SCN11A: variants seen among roughly 807,000 people sequenced by gnomAD.
SCN11A encodes sodium voltage-gated channel alpha subunit 11.
Under a neutral mutation model 162.2 loss-of-function variants are expected in SCN11A, and 122 were observed. The observed-to-expected ratio is 0.75, with a 90% CI of 0.65 to 0.87. The LOEUF is 0.87. Ranked by LOEUF, SCN11A falls within the 40% of genes least tolerant of loss-of-function variation. The pLI, the probability that SCN11A is intolerant of heterozygous loss-of-function variation, is 0.00. For synonymous variants in SCN11A, 758 were observed against 751.5 expected, an observed-to-expected ratio of 1.01 and a Z score of -0.14; for missense variants, 2,015 against 2,181.6, an observed-to-expected ratio of 0.92 and a Z score of 1.52.
chr3:38,925,994 A>G (rs1181537341), intron 8 of SCN11A, among the ~76,000 whole-genome samples: 2 of 152,344 alleles, frequency 1.3e-5, no homozygotes, highest in Non-Finnish European at 2.9e-5. Context: ...AAAACTCTGA[A>G]ATTACTAGCA....
chr3:39,048,546 C>T (rs2032239521), intron 1 of SCN11A, among the ~76,000 whole-genome samples: 2 of 152,088 alleles, frequency 1.3e-5, no homozygotes, highest in South Asian at 4.1e-4. Context: ...GCAATTATTA[C>T]AGATTGTATA....
intron 1 of SCN11A, among the ~76,000 whole-genome samples, chr3:39,051,120 G>T (rs113075948): frequency 2.1e-5 from 3 of 146,080 alleles, no homozygotes; most frequent in Non-Finnish European, 4.5e-5. Flanking sequence ...TTTTTGTCTT[G>T]TTTTTTTTTT....
intron 7 of SCN11A, among the ~76,000 whole-genome samples, chr3:38,934,115 A>C (rs2066289529): frequency 6.6e-6 from 1 of 152,256 alleles, no homozygotes; most frequent in South Asian, 2.1e-4. Context: ...TTTCATATCC[A>C]GACAAACTAA....
intron 3 of SCN11A, among the ~76,000 whole-genome samples, chr3:38,954,278 G>T (rs2066655451): frequency 6.6e-6 from 1 of 152,196 alleles, no homozygotes; most frequent in Non-Finnish European, 1.5e-5. Context: ...ATGAGACTCT[G>T]CTGCATTTGA....
intron 10 of SCN11A, among the ~76,000 whole-genome samples, chr3:38,920,409 T>C (rs536303297): frequency 2.6e-5 from 4 of 152,224 alleles, no homozygotes; most frequent in African/African-American, 9.6e-5. Flanking sequence ...AGAAGTGTTG[T>C]TGGCCGGGCA....
Position 38,905,297 on chromosome 3 carries a change from G to A in SCN11A, c.1498C>T (p.Arg500Ter), listed in dbSNP as rs367770852. ...KKPQLLEQTK[R>*]LSQNLSLDHF... ...TCCAGTGATAGATTCTGGGACAGTCGTTTGGTTTGCTCTAGGAGCTGTGGC... is the reference window on the plus strand; with the variant it reads ...TCCAGTGATAGATTCTGGGACAGTCATTTGGTTTGCTCTAGGAGCTGTGGC... Residue 500 changes from arginine to a stop codon, truncating the protein, a stop_gained, in exon 15 of 30, where the codon CGA (arginine) becomes TGA (stop). Coordinates refer to ENST00000302328, the MANE Select transcript of SCN11A (RefSeq NM_001349253.2). LOFTEE classifies it high-confidence loss of function. The A allele has an allele frequency of 1.5e-5, 24 of 1,613,884 alleles. No individual in the cohort carries two copies. Among genetic ancestry groups the A allele is most frequent in the African/African-American group, 4.0e-5 (3 of 74,918 alleles).
intron 19 of SCN11A, among the ~76,000 whole-genome samples, chr3:38,891,543 C>T (rs1281144697): frequency 1.3e-5 from 2 of 152,160 alleles, no homozygotes; most frequent in African/African-American, 2.4e-5. Context: ...ATTTATGCTG[C>T]TATAATAGAA....
chr3:39,022,528 G>A (rs895847801), intron 2 of SCN11A, among the ~76,000 whole-genome samples: 1 of 152,146 alleles, frequency 6.6e-6, no homozygotes, highest in Admixed American at 6.6e-5. Flanking sequence ...TACAATAAGA[G>A]ACTTGTGAGA....
intron 16 of SCN11A, among the ~76,000 whole-genome samples, chr3:38,901,945 T>C (rs1324352182): frequency 6.6e-6 from 1 of 152,228 alleles, no homozygotes; most frequent in East Asian, 1.9e-4. Context: ...AATCACTCAG[T>C]TTCCAACTGC....
At chr3:38,876,282 CT>C (rs774468527) in intron 23 of SCN11A, among the ~76,000 whole-genome samples, 90 of 152,132 alleles carry the variant, frequency 5.9e-4, no homozygotes, top group Non-Finnish European at 1.1e-3. Context: ...GGGAAAAACT[CT>C]TCTAGACATT....
intron 23 of SCN11A, among the ~76,000 whole-genome samples, chr3:38,874,728 A>G (rs1575231102): frequency 7.4e-6 from 1 of 135,584 alleles, no homozygotes; most frequent in South Asian, 2.3e-4. Context: ...TACTTCTCCC[A>G]TTCTTACTCT....
intron 2 of SCN11A, among the ~76,000 whole-genome samples, chr3:38,965,860 A>T (rs1575340268): frequency 6.6e-6 from 1 of 152,066 alleles, no homozygotes; most frequent in East Asian, 1.9e-4. Flanking sequence ...CACACCTGCA[A>T]TCCCAGCACT....
chr3:38,937,659 A>G (rs867038725), intron 7 of SCN11A, among the ~76,000 whole-genome samples: 12 of 152,080 alleles, frequency 7.9e-5, no homozygotes, highest in African/African-American at 2.9e-4. Flanking sequence ...AATGCAAATC[A>G]AAACCACAAT....
At chr3:39,001,710 A>AAAACAAAC (rs149361919) in intron 2 of SCN11A, among the ~76,000 whole-genome samples, 1,856 of 151,372 alleles carry the variant, frequency 0.012, 10 homozygotes, top group Non-Finnish European at 0.015. Flanking sequence ...GCATTTGTTT[A>AAAACAAAC]AAACAAACAA....
chr3:39,002,125 G>C lies in SCN11A; in HGVS notation c.-280+30255C>G, dbSNP rs577102384. Among the ~76,000 whole-genome samples, 4 of 152,234 alleles carry C rather than the reference G, an allele frequency of 2.6e-5. No homozygotes were observed. The East Asian group carries it at 7.7e-4, about 29-fold the overall frequency. On this transcript the variant is annotated intron_variant, in intron 2 of 29. Coordinates refer to ENST00000302328, the MANE Select transcript of SCN11A (RefSeq NM_001349253.2). Reference sequence around the variant, plus strand: ...AAATCAATTGACCATAGATGTATGAGTTTATTTGTGGACTCTCAATTCTAT... The same window carrying C: ...AAATCAATTGACCATAGATGTATGACTTTATTTGTGGACTCTCAATTCTAT...
chr3:39,010,684 C>T (rs1265363909), intron 2 of SCN11A, among the ~76,000 whole-genome samples: 1 of 152,082 alleles, frequency 6.6e-6, no homozygotes, highest in East Asian at 1.9e-4. Context: ...AGCCCGTGAG[C>T]CACCCTGCCC....
At chr3:39,042,656 G>A (rs2032076565) in intron 1 of SCN11A, among the ~76,000 whole-genome samples, 1 of 152,068 alleles carries the variant, frequency 6.6e-6, no homozygotes, top group Admixed American at 6.6e-5. Context: ...CTAATAATCT[G>A]ATCAAGAAAT....
chr3:38,949,783 G>T (rs749931592), intron 5 of SCN11A, among the ~76,000 whole-genome samples: 26 of 152,178 alleles, frequency 1.7e-4, no homozygotes, highest in Non-Finnish European at 2.9e-4. Flanking sequence ...GAAATGGCCT[G>T]TATCTAACTT....
chr3:38,883,152 G>A (rs2065337427), intron 22 of SCN11A, 81 bp downstream of exon 22: 2 of 1,277,198 alleles, frequency 1.6e-6, no homozygotes, highest in African/African-American at 1.5e-5. Context: ...CATATTCACA[G>A]TCCCACGAGA....
Sources: allele counts gnomAD v4.1 joint callset (sites outside exome capture counted in the v4.1 genomes callset), GRCh38; gene constraint gnomAD v4.1.1; transcripts MANE v1.5; gene names NCBI Gene and HGNC (gene_info 2026-07-23, HGNC 2026-07-21).